TAOK1: variants seen among roughly 807,000 people sequenced by gnomAD.
TAOK1 encodes TAO kinase 1.
TAOK1 carries 21 observed loss-of-function variants against 138.3 expected under a neutral mutation model. That is an observed-to-expected ratio of 0.15 (90% CI 0.11 to 0.22). The LOEUF (loss-of-function observed/expected upper bound fraction) is 0.22, where lower values mean the gene tolerates loss of function less well. Ranked by LOEUF, TAOK1 falls within the 10% of genes least tolerant of loss-of-function variation. The pLI is 1.00. For synonymous variants in TAOK1, 361 were observed against 398.4 expected, an observed-to-expected ratio of 0.91 and a Z score of 1.12; for missense variants, 651 against 1,227.7, an observed-to-expected ratio of 0.53 and a Z score of 7.02.
intron 1 of TAOK1, among the ~76,000 whole-genome samples, chr17:29,429,924 T>C (rs1308635201): frequency 6.6e-6 from 1 of 152,216 alleles, no homozygotes; most frequent in Non-Finnish European, 1.5e-5. Context: ...ATCTAATCAA[T>C]ACAACTGATC....
chr17:29,403,160 CAAAAAAAAAAA>C (rs34253777), intron 1 of TAOK1, among the ~76,000 whole-genome samples: 6 of 60,040 alleles, frequency 1.0e-4, no homozygotes, highest in Non-Finnish European at 1.6e-4. Context: ...GATTTTGTCT[CAAAAAAAAAAA>C]AAAAAAAAAA....
At position 29,548,171 on chromosome 17, in the gene TAOK1, G is replaced by A. The variant is rs1379521458; in HGVS notation, c.*5149G>A. On this transcript the variant is annotated 3_prime_UTR_variant, in exon 20 of 20. Transcript: ENST00000261716. Reference sequence around the variant, plus strand: ...ATTTCCAAAATTTCACTCATACAAGGGAAGAGACTCCATTTAGCTTAACGG... The same window carrying A: ...ATTTCCAAAATTTCACTCATACAAGAGAAGAGACTCCATTTAGCTTAACGG... The A allele has an allele frequency of 6.6e-6, 1 of 152,016 alleles. No individual in the cohort carries two copies. The highest frequency in any genetic ancestry group is 2.4e-5 in the African/African-American group (1 of 41,400). 9.4% of individuals were successfully genotyped at this position (152,016 alleles called of 1,614,324 possible). A position where few individuals can be genotyped will look rare whatever the true frequency, so the allele number is the denominator to read the frequency against.
chr17:29,536,163 G>A (rs931266938), intron 19 of TAOK1, among the ~76,000 whole-genome samples: 2 of 152,120 alleles, frequency 1.3e-5, no homozygotes, highest in Non-Finnish European at 2.9e-5. Context: ...ACCAGGCGTG[G>A]TGGCAGGCGC....
At chr17:29,458,015 C>T (rs1448546662) in intron 2 of TAOK1, among the ~76,000 whole-genome samples, 1 of 151,708 alleles carries the variant, frequency 6.6e-6, no homozygotes, top group Non-Finnish European at 1.5e-5. Flanking sequence ...GAGGCTAAGG[C>T]AGGAGAACGG....
chr17:29,488,643 TCGCC>T (rs1407558309), intron 8 of TAOK1, among the ~76,000 whole-genome samples: 11 of 151,190 alleles, frequency 7.3e-5, no homozygotes, highest in Admixed American at 6.6e-4. Flanking sequence ...CAATTTTTTT[TCGCC>T]AAATATTTTC....
chr17:29,453,058 G>A (rs998507160), intron 2 of TAOK1, among the ~76,000 whole-genome samples: 2 of 152,072 alleles, frequency 1.3e-5, no homozygotes, highest in African/African-American at 4.8e-5. Context: ...CTGCACCACA[G>A]CAGCTGCACC....
At chr17:29,397,623 T>TTC (rs1555555330) in intron 1 of TAOK1, among the ~76,000 whole-genome samples, 2 of 64,632 alleles carry the variant, frequency 3.1e-5, no homozygotes. Flanking sequence ...AATATATATA[T>TTC]ATATATACAT....
rs2150780817 is a variant in TAOK1 at position 29,545,045 on chromosome 17, GT to G, written c.*2028del. ...AGAAAATTAATGTTTTAATGTAAAT[GT>G]TTTTAAAACCAAGATCACCATAGAG... On this transcript the variant is annotated 3_prime_UTR_variant, in exon 20 of 20. Coordinates refer to ENST00000261716, the MANE Select transcript of TAOK1 (RefSeq NM_020791.4). 1 of 152,294 alleles carries G rather than the reference GT, an allele frequency of 6.6e-6. No individual in the cohort carries two copies. The highest frequency in any genetic ancestry group is 2.1e-4 in the South Asian group (1 of 4,822). 9.4% of individuals were successfully genotyped at this position (152,294 alleles called of 1,614,324 possible). A position where few individuals can be genotyped will look rare whatever the true frequency, so the allele number is the denominator to read the frequency against.
At chr17:29,483,108 T>C (rs1237275129) in intron 8 of TAOK1, among the ~76,000 whole-genome samples, 1 of 152,160 alleles carries the variant, frequency 6.6e-6, no homozygotes, top group Non-Finnish European at 1.5e-5. Flanking sequence ...GACATGGTCT[T>C]GCTCTGTCAC....
chr17:29,443,658 G>GTTA, intron 1 of TAOK1, among the ~76,000 whole-genome samples: 1 of 152,144 alleles, frequency 6.6e-6, no homozygotes, highest in South Asian at 2.1e-4. Context: ...TCTTTTTATT[G>GTTA]TTCACTTTAT....
At chr17:29,500,190 T>A (rs1289686649) in intron 12 of TAOK1, among the ~76,000 whole-genome samples, 10 of 152,100 alleles carry the variant, frequency 6.6e-5, no homozygotes, top group Non-Finnish European at 1.2e-4. Flanking sequence ...GGTGCATGCT[T>A]CTAATCTCAG....
At chr17:29,408,997 G>A (rs1385011412) in intron 1 of TAOK1, among the ~76,000 whole-genome samples, 1 of 152,096 alleles carries the variant, frequency 6.6e-6, no homozygotes, top group East Asian at 1.9e-4. Flanking sequence ...ACAGGCATGA[G>A]CCATCACACC....
intron 1 of TAOK1, among the ~76,000 whole-genome samples, chr17:29,442,447 TG>T (rs1195229447): frequency 2.0e-5 from 3 of 151,924 alleles, no homozygotes; most frequent in Non-Finnish European, 2.9e-5. Flanking sequence ...AGCATATTTT[TG>T]TAAGTTTAGT....
At chr17:29,500,796 A>G (rs1463437022) in intron 12 of TAOK1, among the ~76,000 whole-genome samples, 2 of 152,164 alleles carry the variant, frequency 1.3e-5, no homozygotes, top group Non-Finnish European at 2.9e-5. Context: ...CAGCTATAAA[A>G]AGGAATGAAG....
chr17:29,433,795 C>G (rs540789558), intron 1 of TAOK1, among the ~76,000 whole-genome samples: 1 of 152,082 alleles, frequency 6.6e-6, no homozygotes, highest in Non-Finnish European at 1.5e-5. Flanking sequence ...TCTGGGGACC[C>G]TCTCCCACCT....
intron 10 of TAOK1, among the ~76,000 whole-genome samples, chr17:29,493,451 A>C (rs928333304): frequency 1.3e-5 from 2 of 151,222 alleles, no homozygotes; most frequent in Non-Finnish European, 2.9e-5. Flanking sequence ...CTGAGATCGC[A>C]CCATTGCACT....
At chr17:29,484,441 T>C (rs2031126127) in intron 8 of TAOK1, among the ~76,000 whole-genome samples, 1 of 152,194 alleles carries the variant, frequency 6.6e-6, no homozygotes, top group South Asian at 2.1e-4. Flanking sequence ...CTTTCTGCAG[T>C]GAAGGAAGTG....
intron 15 of TAOK1, among the ~76,000 whole-genome samples, chr17:29,516,658 T>C (rs1315231649): frequency 6.6e-6 from 1 of 151,766 alleles, no homozygotes; most frequent in African/African-American, 2.4e-5. Flanking sequence ...TGCACCACCA[T>C]GTCTGGCTAA....
In TAOK1 at chr17:29,456,373, T is replaced by TA. The variant is rs1408582198; in HGVS notation, c.132+4694dup. On this transcript the variant is annotated intron_variant, in intron 2 of 19. Coordinates refer to ENST00000261716, the MANE Select transcript of TAOK1 (RefSeq NM_020791.4). ...TCTCCGGGAAAAAAAAAATGTTTGG[T>TA]AGAATTTCCTAGGGAAGCCATTTGG... 2.0e-5 allele frequency among the ~76,000 whole-genome samples: 3 copies of TA among 150,250 alleles called. No homozygotes were observed. In the East Asian group the frequency reaches 5.8e-4, roughly 29 times the overall value.
Sources: allele counts gnomAD v4.1 joint callset (sites outside exome capture counted in the v4.1 genomes callset), GRCh38; gene constraint gnomAD v4.1.1; transcripts MANE v1.5; gene names NCBI Gene and HGNC (gene_info 2026-07-23, HGNC 2026-07-21).